The following AMMECR1 variants were observed in gnomAD, a reference collection of about 807,000 sequenced individuals.
AMMECR1 encodes AMMECR nuclear protein 1.
In AMMECR1, 3 loss-of-function variants were observed where a neutral mutation model predicts 22.5. The observed-to-expected ratio is 0.13, with a 90% CI of 0.06 to 0.35. The LOEUF is 0.35. Ranked by LOEUF, AMMECR1 falls within the 10% of genes least tolerant of loss-of-function variation. The pLI, the probability that AMMECR1 is intolerant of heterozygous loss-of-function variation, is 1.00. For synonymous variants in AMMECR1, 130 were observed against 116.7 expected (o/e 1.11, Z -0.74); for missense variants, 235 against 278.7 (o/e 0.84, Z 1.12).
At chrX:110,408,967 A>G (rs1286923917) in intron 2 of AMMECR1, among the ~76,000 whole-genome samples, 2 of 112,167 alleles carry the variant, frequency 1.8e-5, no homozygotes, top group Non-Finnish European at 3.8e-5. Flanking sequence ...GCAAAAGCAG[A>G]TTTATTATAA....
At chrX:110,280,408 C>A (rs765213269) in intron 1 of AMMECR1, among the ~76,000 whole-genome samples, 1 of 110,558 alleles carries the variant, frequency 9.0e-6, no homozygotes, top group South Asian at 3.8e-4. Context: ...ACATTATGTG[C>A]CATAAAAATA....
At chrX:110,307,751 G>A in intron 1 of AMMECR1, among the ~76,000 whole-genome samples, 2 of 109,574 alleles carry the variant, frequency 1.8e-5, no homozygotes, top group East Asian at 5.7e-4. Flanking sequence ...TGAAGACACT[G>A]TACAAATGGT....
intron 5 of AMMECR1, among the ~76,000 whole-genome samples, chrX:110,200,715 G>A (rs1018168270): frequency 1.8e-5 from 2 of 111,900 alleles, no homozygotes; most frequent in Non-Finnish European, 3.8e-5. Flanking sequence ...GGGCTTGCTC[G>A]TACAAAAGCC....
intron 2 of AMMECR1, among the ~76,000 whole-genome samples, chrX:110,373,038 T>C (rs981090633): frequency 3.6e-5 from 4 of 112,254 alleles, no homozygotes; most frequent in Admixed American, 2.8e-4. Flanking sequence ...AGCATTGTTC[T>C]ACATGATTTA....
At position 110,382,336 on chromosome X, in the gene AMMECR1, A is replaced by C. The variant is rs758554900; in HGVS notation, c.-148+44322T>G. Among the ~76,000 whole-genome samples the C allele has an allele frequency of 2.0e-4, 22 of 110,720 alleles. No homozygotes were observed. The East Asian group carries it at 4.5e-3, about 23-fold the overall frequency. On this transcript the variant is annotated intron_variant, in intron 2 of 7. Coordinates refer to the AMMECR1 transcript ENST00000372057. ...GTTCCAATTGTACAGGAAAAAAAAA[A>C]CCCAGCAACCCAAACACCACCACCA...
rs77370367 is a variant in AMMECR1, at chrX:110,251,298, G to A, written c.584+13191C>T. 1.3e-4 allele frequency among the ~76,000 whole-genome samples: 15 copies of A among 111,797 alleles called. No individual in the cohort carries two copies. The East Asian group carries it at 4.2e-3, about 31-fold the overall frequency. On this transcript the variant is annotated intron_variant, in intron 2 of 5. Transcript: ENST00000262844. ...TAAAAGAGACTGACCAATTTTCCTGGGGACTGTCAAGGAAATCTCACAGAG... is the reference window on the plus strand; with the variant it reads ...TAAAAGAGACTGACCAATTTTCCTGAGGACTGTCAAGGAAATCTCACAGAG...
chrX:110,428,186 C>T (rs1316623649), intron 1 of AMMECR1, among the ~76,000 whole-genome samples: 3 of 112,029 alleles, frequency 2.7e-5, no homozygotes, highest in Non-Finnish European at 5.6e-5. Context: ...TTGTCTGTGG[C>T]CTTCAGGATG....
chrX:110,369,224 C>T (rs1382463468), intron 2 of AMMECR1, among the ~76,000 whole-genome samples: 2 of 110,638 alleles, frequency 1.8e-5, no homozygotes, highest in Non-Finnish European at 3.8e-5. Flanking sequence ...CCCAGCTACT[C>T]GGTAGGCTGA....
At chrX:110,318,209 G>C, upstream of AMMECR1, 1 of 400,059 alleles carries the variant, frequency 2.5e-6, no homozygotes, top group Non-Finnish European at 3.2e-6. Flanking sequence ...TCCCGGCCCC[G>C]TCTGCCTAGC....
At position 110,264,534 on chromosome X, in the gene AMMECR1, G is replaced by C; in HGVS notation, c.539C>G (p.Ser180Cys). ...KRLRGCIGTF[S>C]AMNLHSGLRE... ...GAGTCCTGAATGCAAATTCATGGCAGAAAAAGTACCTATGCATCCACGTAA... is the reference window on the plus strand; with the variant it reads ...GAGTCCTGAATGCAAATTCATGGCACAAAAAGTACCTATGCATCCACGTAA... Residue 180 changes from serine to cysteine, a missense_variant, in exon 2 of 6, where the codon TCT becomes TGT. Ser to Cys is a moderately radical substitution (Grantham distance 112, BLOSUM62 -1). Transcript: ENST00000262844. 8.3e-7 allele frequency: 1 copy of C among 1,207,543 alleles called. No homozygotes were observed. Among genetic ancestry groups the C allele is most frequent in the Non-Finnish European group, 1.1e-6 (1 of 893,132 alleles).
At chrX:110,354,961 A>G (rs1252058458) in intron 2 of AMMECR1, among the ~76,000 whole-genome samples, 3 of 112,497 alleles carry the variant, frequency 2.7e-5, no homozygotes, top group Admixed American at 9.4e-5. Context: ...AGAGGCAACA[A>G]AAGCACAGAC....
At chrX:110,394,668 G>C (rs1408898285) in intron 2 of AMMECR1, among the ~76,000 whole-genome samples, 2 of 112,875 alleles carry the variant, frequency 1.8e-5, no homozygotes, top group African/African-American at 6.4e-5. Context: ...AGAGAGCAAA[G>C]GGCAAGAAGG....
chrX:110,234,059 G>A (rs2067585767), intron 2 of AMMECR1, among the ~76,000 whole-genome samples: 1 of 112,080 alleles, frequency 8.9e-6, no homozygotes, highest in African/African-American at 3.2e-5. Flanking sequence ...CAGATGACAT[G>A]GTTGTATATT....
In AMMECR1 at chrX:110,196,116, C is replaced by T. The variant is rs984744853; in HGVS notation, c.*2404G>A. 1.7e-4 allele frequency: 19 copies of T among 111,375 alleles called. No individual in the cohort carries two copies. Among genetic ancestry groups the T allele is most frequent in the Admixed American group, 4.7e-4 (5 of 10,527 alleles). 9.2% of individuals were successfully genotyped at this position (111,375 alleles called of 1,213,427 possible). A position where few individuals can be genotyped will look rare whatever the true frequency, so the allele number is the denominator to read the frequency against. On this transcript the variant is annotated 3_prime_UTR_variant, in exon 6 of 6. Transcript: ENST00000262844. ...AAAAATCTGATATGATTTTAGAGTC[C>T]GCATGACCAGTCACGTGACCTGCTC...
Position 110,418,549 on chromosome X carries a change from A to G in AMMECR1, c.-148+8109T>C, listed in dbSNP as rs901236505. 1.7e-4 allele frequency among the ~76,000 whole-genome samples: 19 copies of G among 111,750 alleles called. 1 individual carries two copies. The highest frequency in any genetic ancestry group is 5.5e-4 in the African/African-American group (17 of 30,704). On this transcript the variant is annotated intron_variant, in intron 2 of 7. Coordinates refer to the AMMECR1 transcript ENST00000372057. ...ATTTCAAGGAACATGAACGAGAGGAAGGCCGGCAAGCTTAAGGCCGGGTGG... is the reference window on the plus strand; with the variant it reads ...ATTTCAAGGAACATGAACGAGAGGAGGGCCGGCAAGCTTAAGGCCGGGTGG...
At position 110,198,459 on chromosome X, in the gene AMMECR1, T is replaced by A. The variant is rs2067381466; in HGVS notation, c.*61A>T. ...AAAAGAGATAGCTAGACCAAGAAGGTGTAGGGTCTCCTGGGAAGAGGTCTG... is the reference window on the plus strand; with the variant it reads ...AAAAGAGATAGCTAGACCAAGAAGGAGTAGGGTCTCCTGGGAAGAGGTCTG... On this transcript the variant is annotated 3_prime_UTR_variant, in exon 6 of 6. Transcript: ENST00000262844. 1 of 724,270 alleles carries A rather than the reference T, an allele frequency of 1.4e-6. No individual in the cohort carries two copies. Among genetic ancestry groups the A allele is most frequent in the Non-Finnish European group, 2.0e-6 (1 of 499,391 alleles). 59.7% of individuals were successfully genotyped at this position (724,270 alleles called of 1,213,427 possible).
At chrX:110,290,710 C>G (rs1311086079) in intron 1 of AMMECR1, among the ~76,000 whole-genome samples, 1 of 111,342 alleles carries the variant, frequency 9.0e-6, no homozygotes. Flanking sequence ...AAGTTAAGAT[C>G]TGATGAAATC....
At chrX:110,322,521 A>G (rs2068082908), upstream of AMMECR1, among the ~76,000 whole-genome samples, 3 of 112,247 alleles carry the variant, frequency 2.7e-5, no homozygotes, top group South Asian at 1.1e-3. Flanking sequence ...ATAAAAATAT[A>G]GCTGTTTAAC....
intron 2 of AMMECR1, among the ~76,000 whole-genome samples, chrX:110,337,490 G>A (rs2068145622): frequency 9.0e-6 from 1 of 111,385 alleles, no homozygotes; most frequent in South Asian, 3.8e-4. Flanking sequence ...CACTTGATTT[G>A]AAAATCTCAA....
Sources: allele counts gnomAD v4.1 joint callset (sites outside exome capture counted in the v4.1 genomes callset), GRCh38; gene constraint gnomAD v4.1.1; transcripts MANE v1.5; gene names NCBI Gene and HGNC (gene_info 2026-07-23, HGNC 2026-07-21).